Variants in EYA2 observed in about 807,000 individuals in gnomAD.
The protein encoded by EYA2 is protein phosphatase EYA2.
In EYA2, 31 loss-of-function variants were observed where a neutral mutation model predicts 69.2. The observed-to-expected ratio is 0.45, with a 90% CI of 0.34 to 0.60. The LOEUF (loss-of-function observed/expected upper bound fraction) is 0.60. Among genes scored for constraint, EYA2 ranks in the 20% least tolerant of loss-of-function variants. The pLI is 0.02. For missense variants in EYA2, 622 were observed against 701.2 expected (o/e 0.89, Z 1.28); for synonymous variants, 257 against 279.4 (o/e 0.92, Z 0.80).
At chr20:47,054,979 T>C (rs995090381) in intron 5 of EYA2, among the ~76,000 whole-genome samples, 1 of 152,226 alleles carries the variant, frequency 6.6e-6, no homozygotes, top group African/African-American at 2.4e-5. Flanking sequence ...TCTCTTTTTC[T>C]GTGTTCTGCA....
chr20:46,941,776 T>G (rs539597696), intron 1 of EYA2, among the ~76,000 whole-genome samples: 8 of 152,248 alleles, frequency 5.3e-5, no homozygotes, highest in East Asian at 3.9e-4. Flanking sequence ...TTTTTTTTCT[T>G]GAGACAAAGT....
intron 7 of EYA2, among the ~76,000 whole-genome samples, chr20:47,078,320 C>T (rs73123774): frequency 0.25 from 35,781 of 143,898 alleles, 4,449 homozygotes; most frequent in Middle Eastern, 0.32. Flanking sequence ...TGTGCACGTG[C>T]GCGCGCGCGC....
intron 9 of EYA2, among the ~76,000 whole-genome samples, chr20:47,114,950 G>GTTC (rs2032850007): frequency 6.6e-6 from 1 of 152,226 alleles, no homozygotes; most frequent in Non-Finnish European, 1.5e-5. Flanking sequence ...CTCCCCAGAA[G>GTTC]CTCAGCAGTT....
intron 1 of EYA2, among the ~76,000 whole-genome samples, chr20:46,956,454 C>T (rs73305634): frequency 0.023 from 3,477 of 152,280 alleles, 128 homozygotes; most frequent in African/African-American, 0.076. Flanking sequence ...GGGTGTCCTC[C>T]ATGTGGTCAA....
At chr20:47,184,503 T>C (rs1009578375) in intron 15 of EYA2, among the ~76,000 whole-genome samples, 5 of 148,756 alleles carry the variant, frequency 3.4e-5, no homozygotes, top group Non-Finnish European at 5.9e-5. Flanking sequence ...CTGCAGCCTC[T>C]ACCTACTGGA....
At chr20:47,162,808 C>T (rs2034098038) in intron 10 of EYA2, among the ~76,000 whole-genome samples, 1 of 151,624 alleles carries the variant, frequency 6.6e-6, no homozygotes, top group Non-Finnish European at 1.5e-5. Context: ...TGTGAGCCAC[C>T]ACACCTGGCC....
chr20:47,181,057 C>A, intron 14 of EYA2, 121 bp downstream of exon 14: 1 of 1,371,662 alleles, frequency 7.3e-7, no homozygotes, highest in Non-Finnish European at 9.8e-7. Context: ...GTGCCTATGG[C>A]CATGACTCAG....
intron 5 of EYA2, among the ~76,000 whole-genome samples, chr20:47,051,551 A>G (rs936686175): frequency 1.6e-4 from 25 of 152,210 alleles, no homozygotes; most frequent in African/African-American, 5.1e-4. Flanking sequence ...AACCTCAAGG[A>G]TGAAAGCTTC....
At chr20:47,081,827 A>G (rs920694362) in intron 7 of EYA2, among the ~76,000 whole-genome samples, 4 of 151,552 alleles carry the variant, frequency 2.6e-5, no homozygotes, top group Non-Finnish European at 4.4e-5. Context: ...GAGAGAAAGA[A>G]AAAATGTGCA....
intron 1 of EYA2, among the ~76,000 whole-genome samples, chr20:46,916,768 T>C (rs6012076): frequency 0.026 from 3,910 of 152,192 alleles, 193 homozygotes; most frequent in African/African-American, 0.09. Flanking sequence ...GCTCACTTTC[T>C]TCCCAGAGCA....
At chr20:47,049,762 C>A (rs900224808) in intron 5 of EYA2, among the ~76,000 whole-genome samples, 4 of 152,196 alleles carry the variant, frequency 2.6e-5, no homozygotes, top group Admixed American at 2.6e-4. Context: ...AATTACCCAG[C>A]TTCAGGTGTT....
At chr20:47,070,153 C>T (rs2031261348) in intron 5 of EYA2, among the ~76,000 whole-genome samples, 1 of 152,010 alleles carries the variant, frequency 6.6e-6, no homozygotes, top group African/African-American at 2.4e-5. Context: ...GGACTTGTGT[C>T]CAAGATATAT....
At chr20:47,004,865 G>T (rs1379758931) in intron 3 of EYA2, 77 bp from the exon 4 acceptor site, 1 of 1,596,322 alleles carries the variant, frequency 6.3e-7, no homozygotes, top group South Asian at 1.1e-5. Context: ...AAGAAAAATG[G>T]GGGTGTTGAT....
intron 9 of EYA2, among the ~76,000 whole-genome samples, chr20:47,108,454 C>T (rs978466656): frequency 3.3e-5 from 5 of 152,150 alleles, no homozygotes; most frequent in South Asian, 2.1e-4. Flanking sequence ...TACAGCCTGC[C>T]GAACTGTGAG....
rs1351211284 is a variant in EYA2 at position 47,172,749 on chromosome 20, A to C, written c.1080A>C (p.Pro360=). 6.2e-7 allele frequency: 1 copy of C among 1,614,028 alleles called. No individual in the cohort carries two copies. Among genetic ancestry groups the C allele is most frequent in the Non-Finnish European group, 8.5e-7 (1 of 1,179,974 alleles). ...CTGACGGCTTCCACAGTTCGGCCCC[A>C]GGAGCCAACCTGTGCCTGGGCTCTG... The part of the protein sequence containing the change: ...FSADGFHSSA[P]GANLCLGSGV... The change falls in exon 12 of 16, where the codon CCA becomes CCC. Residue 360 remains proline (P), a synonymous_variant. Transcript: ENST00000327619.
intron 1 of EYA2, among the ~76,000 whole-genome samples, chr20:46,931,896 C>A (rs1424231018): frequency 6.6e-6 from 1 of 151,732 alleles, no homozygotes; most frequent in Admixed American, 6.6e-5. Context: ...AATTATGGAA[C>A]TGTCTTTGCA....
intron 9 of EYA2, among the ~76,000 whole-genome samples, chr20:47,124,650 C>G (rs1055791811): frequency 6.6e-6 from 1 of 152,122 alleles, no homozygotes; most frequent in Admixed American, 6.5e-5. Flanking sequence ...TTAGGGTGAT[C>G]ATCTCATCCA....
intron 5 of EYA2, among the ~76,000 whole-genome samples, chr20:47,053,889 G>A (rs2030467453): frequency 6.6e-6 from 1 of 151,806 alleles, no homozygotes; most frequent in Non-Finnish European, 1.5e-5. Context: ...TAGGATCCGA[G>A]TAGAGTCGTT....
At chr20:46,993,288 C>G (rs1238719044) in intron 2 of EYA2, among the ~76,000 whole-genome samples, 1 of 152,254 alleles carries the variant, frequency 6.6e-6, no homozygotes, top group Non-Finnish European at 1.5e-5. Flanking sequence ...TCCTTGGCCA[C>G]CAGGCCCCAC....
Sources: allele counts gnomAD v4.1 joint callset (sites outside exome capture counted in the v4.1 genomes callset), GRCh38; gene constraint gnomAD v4.1.1; transcripts MANE v1.5; gene names NCBI Gene and HGNC (gene_info 2026-07-23, HGNC 2026-07-21).